The following TSPEAR variants were observed in gnomAD, a reference collection of about 807,000 sequenced individuals.
TSPEAR encodes the protein thrombospondin type laminin G domain and EAR repeats, also known as thrombospondin-type laminin G domain and EAR repeat-containing protein.
TSPEAR carries 69 observed loss-of-function variants against 71.6 expected under a neutral mutation model. The ratio of observed to expected loss-of-function variants is 0.96; its 90% CI spans 0.79 to 1.18. TSPEAR has a LOEUF of 1.18. Ranked by LOEUF, TSPEAR falls within the 50% of genes most tolerant of loss-of-function variation. The pLI, the probability that TSPEAR is intolerant of heterozygous loss-of-function variation, is 0.00. For synonymous variants in TSPEAR, 402 were observed against 387.2 expected, an observed-to-expected ratio of 1.04 and a Z score of -0.45; for missense variants, 971 against 894.9, an observed-to-expected ratio of 1.09 and a Z score of -1.09.
chr21:44,505,452 A>AG lies in TSPEAR; in HGVS notation c.1755-572dup, dbSNP rs587610931. Among the ~76,000 whole-genome samples the AG allele has an allele frequency of 4.0e-5, 6 of 151,422 alleles. No individual in the cohort carries two copies. In the South Asian group the frequency reaches 1.3e-3, roughly 32 times the overall value. On this transcript the variant is annotated intron_variant, in intron 10 of 11. Transcript: ENST00000323084. ...TCAACCATCTTTAGGTGCACAGATC[A>AG]GGGGCATTAAGCACATTCATACTGC... is the stretch of plus-strand genomic sequence containing the variant.
chr21:44,511,487 CGTAT>C (rs782007867), intron 9 of TSPEAR, among the ~76,000 whole-genome samples: 92 of 152,354 alleles, frequency 6.0e-4, no homozygotes, highest in Non-Finnish European at 1.2e-3. Flanking sequence ...CCTACACACA[CGTAT>C]GTATGCATGC....
At chr21:44,643,572 A>G (rs1172817011) in intron 1 of TSPEAR, among the ~76,000 whole-genome samples, 2 of 152,198 alleles carry the variant, frequency 1.3e-5, no homozygotes, top group African/African-American at 4.8e-5. Context: ...AAGCTGGGGA[A>G]AAAGGGATAA....
In TSPEAR at chr21:44,623,273, T is replaced by G. The variant is rs1982565192; in HGVS notation, c.83-55268A>C. ...CATCTACTTCCTCCTGAGTTGTATA[T>G]TCTTTCATTACTCTAGTGGAGATTA... is the stretch of plus-strand genomic sequence containing the variant. On this transcript the variant is annotated intron_variant, in intron 1 of 11. Transcript: ENST00000323084. The surrounding 1 kb of genome is among the most constrained non-coding windows in gnomAD (Gnocchi z 4.5). Among the ~76,000 whole-genome samples, 1 of 152,212 alleles carries G rather than the reference T, an allele frequency of 6.6e-6. No individual in the cohort carries two copies. The highest frequency in any genetic ancestry group is 1.5e-5 in the Non-Finnish European group (1 of 68,038).
At chr21:44,684,574 G>A (rs1986768284) in intron 1 of TSPEAR, among the ~76,000 whole-genome samples, 1 of 152,236 alleles carries the variant, frequency 6.6e-6, no homozygotes, top group Non-Finnish European at 1.5e-5. Context: ...AATCTGTTCA[G>A]AGGAACAAAA....
At chr21:44,685,813 G>A (rs868939383) in intron 1 of TSPEAR, among the ~76,000 whole-genome samples, 2 of 152,336 alleles carry the variant, frequency 1.3e-5, no homozygotes, top group Middle Eastern at 3.4e-3. Flanking sequence ...CACCTCTGCA[G>A]TGGTGCAGAC....
At chr21:44,616,884 C>G (rs782345938) in intron 1 of TSPEAR, among the ~76,000 whole-genome samples, 7 of 152,206 alleles carry the variant, frequency 4.6e-5, no homozygotes, top group Non-Finnish European at 8.8e-5. Flanking sequence ...CTTCTGGGGC[C>G]GAACAACCCA....
At chr21:44,672,707 C>T (rs1439824519) in intron 1 of TSPEAR, among the ~76,000 whole-genome samples, 2 of 152,144 alleles carry the variant, frequency 1.3e-5, no homozygotes, top group African/African-American at 4.8e-5. Context: ...GCCCAAATCT[C>T]GTGTTGAATT....
At chr21:44,613,741 C>A (rs2146178586) in intron 1 of TSPEAR, among the ~76,000 whole-genome samples, 1 of 152,276 alleles carries the variant, frequency 6.6e-6, no homozygotes, top group Non-Finnish European at 1.5e-5. Flanking sequence ...GAGACAAAAG[C>A]ATCATGGGGT....
At chr21:44,598,873 A>G (rs587668791) in intron 1 of TSPEAR, among the ~76,000 whole-genome samples, 99 of 152,264 alleles carry the variant, frequency 6.5e-4, no homozygotes, top group Non-Finnish European at 1.1e-3. Context: ...CAGTTTGCTC[A>G]GTTGTTATCC....
intron 1 of TSPEAR, among the ~76,000 whole-genome samples, chr21:44,707,304 G>GGGGGT (rs1555952612): frequency 2.0e-5 from 3 of 151,940 alleles, no homozygotes; most frequent in Non-Finnish European, 2.9e-5. Context: ...ACGCGGGGTG[G>GGGGGT]GGGGGGGTGC....
At chr21:44,661,063 A>T (rs1479026696) in intron 1 of TSPEAR, among the ~76,000 whole-genome samples, 1 of 152,142 alleles carries the variant, frequency 6.6e-6, no homozygotes, top group Non-Finnish European at 1.5e-5. Flanking sequence ...AGGCCGAGGC[A>T]AGCAGATCGA....
rs75001604 is a variant in TSPEAR at position 44,540,822 on chromosome 21, G to A, written c.304-6899C>T. Among the ~76,000 whole-genome samples, 131 of 152,340 alleles carry A rather than the reference G, an allele frequency of 8.6e-4. 1 individual carries two copies. The East Asian group carries it at 0.025, about 29-fold the overall frequency. On this transcript the variant is annotated intron_variant, in intron 2 of 11. Coordinates refer to ENST00000323084, the MANE Select transcript of TSPEAR (RefSeq NM_144991.3). ...GGCCTTCCCCGAGGTCCACTCAGAC[G>A]TTGGTGTGGGAACGCTGGGGATAGG... is the stretch of plus-strand genomic sequence containing the variant.
At chr21:44,686,082 G>A (rs1986842734) in intron 1 of TSPEAR, among the ~76,000 whole-genome samples, 1 of 152,098 alleles carries the variant, frequency 6.6e-6, no homozygotes, top group Admixed American at 6.5e-5. Context: ...GGTGCAGTGA[G>A]TGTGACTGTG....
In TSPEAR at chr21:44,711,238, C is replaced by T. The variant is rs1601592042; in HGVS notation, c.82+195G>A. Among the ~76,000 whole-genome samples, 1 of 151,976 alleles carries T rather than the reference C, an allele frequency of 6.6e-6. No homozygotes were observed. Among genetic ancestry groups the T allele is most frequent in the African/African-American group, 2.4e-5 (1 of 41,352 alleles). ...CCGCGTTTCTATTGCAACTGCCTGCCCTGCGCTTTCATCTTCCCCACCTGT... is the reference window on the plus strand; with the variant it reads ...CCGCGTTTCTATTGCAACTGCCTGCTCTGCGCTTTCATCTTCCCCACCTGT... On this transcript the variant is annotated intron_variant, in intron 1 of 11. Coordinates refer to ENST00000323084, the MANE Select transcript of TSPEAR (RefSeq NM_144991.3). This position sits in a 1 kb window ranked among gnomAD's most constrained non-coding sequence, Gnocchi z 4.5.
intron 10 of TSPEAR, among the ~76,000 whole-genome samples, chr21:44,505,597 C>T (rs901060719): frequency 7.5e-6 from 1 of 133,942 alleles, no homozygotes; most frequent in Non-Finnish European, 1.6e-5. Flanking sequence ...GCCCCGGCAC[C>T]CACCACGCCA....
chr21:44,703,573 C>T (rs1987761244), intron 1 of TSPEAR, among the ~76,000 whole-genome samples: 1 of 152,190 alleles, frequency 6.6e-6, no homozygotes, highest in Non-Finnish European at 1.5e-5. Context: ...GTGGGGCCTC[C>T]CTCTCCCCGG....
intron 9 of TSPEAR, among the ~76,000 whole-genome samples, chr21:44,515,339 C>G (rs1465774788): frequency 6.6e-6 from 1 of 152,248 alleles, no homozygotes; most frequent in Non-Finnish European, 1.5e-5. Flanking sequence ...TCCCAGGGCC[C>G]TCCTAAGGCA....
In TSPEAR at chr21:44,509,249, C is replaced by G; in HGVS notation, c.1704G>C (p.Leu568=). The change falls in exon 10 of 12, where the codon CTG becomes CTC. Residue 568 remains leucine (L), a synonymous_variant. Transcript: ENST00000323084. The part of the protein sequence containing the change: ...SYVINSVIYE[L]NVTAQAFVKF... ...TGACAAAGGCCTGCGCGGTCACGTT[C>G]AGCTCGTAGATGACGGAGTTGATGA... 1.9e-6 allele frequency: 3 copies of G among 1,614,092 alleles called. No individual in the cohort carries two copies. Among genetic ancestry groups the G allele is most frequent in the Non-Finnish European group, 2.5e-6 (3 of 1,180,026 alleles).
intron 1 of TSPEAR, among the ~76,000 whole-genome samples, chr21:44,649,374 G>A (rs1017149168): frequency 6.6e-6 from 1 of 152,160 alleles, no homozygotes; most frequent in East Asian, 1.9e-4. Flanking sequence ...TCCTGGTAAC[G>A]GAAGTTTCTA....
Sources: gnomAD v4.1 joint callset for allele counts (sites outside exome capture counted in the v4.1 genomes callset) on GRCh38, gnomAD v4.1.1 for gene constraint, Gnocchi (gnomAD v3.1) non-coding constraint, MANE v1.5 for transcripts, NCBI Gene and HGNC (gene_info 2026-07-23, HGNC 2026-07-21) for gene names.